LTBP1: variants seen among roughly 807,000 people sequenced by gnomAD.
LTBP1 encodes the protein latent-transforming growth factor beta-binding protein 1.
A neutral mutation model predicts 207.6 loss-of-function variants in LTBP1; 129 were observed. The ratio of observed to expected loss-of-function variants is 0.62; its 90% CI spans 0.54 to 0.72. The LOEUF is 0.72. Ranked by LOEUF, LTBP1 falls within the 30% of genes least tolerant of loss-of-function variation. The pLI, the probability that LTBP1 is intolerant of heterozygous loss-of-function variation, is 0.00. For synonymous variants in LTBP1, 963 were observed against 833.7 expected (o/e 1.16, Z -2.67); for missense variants, 2,281 against 2,217.2 (o/e 1.03, Z -0.58).
chr2:33,186,816 A>T (rs1425276612), intron 5 of LTBP1, 40 bp from the exon 6 acceptor site: 1 of 1,519,690 alleles, frequency 6.6e-7, no homozygotes, highest in Non-Finnish European at 9.1e-7. Flanking sequence ...AGCCTCTGAG[A>T]GACTAACCAA....
chr2:33,047,200 G>C (rs2076491350), intron 3 of LTBP1, among the ~76,000 whole-genome samples: 1 of 152,114 alleles, frequency 6.6e-6, no homozygotes. Flanking sequence ...TTTTAATTGT[G>C]ATGTTAGGGT....
At chr2:33,031,857 C>T (rs1295392150) in intron 3 of LTBP1, among the ~76,000 whole-genome samples, 2 of 152,060 alleles carry the variant, frequency 1.3e-5, no homozygotes, top group Non-Finnish European at 2.9e-5. Context: ...CTGATAGTCA[C>T]TGAAGAAGTG....
intron 2 of LTBP1, among the ~76,000 whole-genome samples, chr2:33,007,711 GCTT>G (rs751772370): frequency 6.6e-6 from 1 of 152,218 alleles, no homozygotes; most frequent in Non-Finnish European, 1.5e-5. Flanking sequence ...CCTCTCAAGA[GCTT>G]CTTTGAAGGT....
intron 7 of LTBP1, among the ~76,000 whole-genome samples, chr2:33,192,415 C>G (rs2088001602): frequency 6.6e-6 from 1 of 151,876 alleles, no homozygotes; most frequent in Admixed American, 6.6e-5. Flanking sequence ...GACTTAACCC[C>G]AAGTTTACAG....
At chr2:33,392,940 T>C in intron 32 of LTBP1, among the ~76,000 whole-genome samples, 1 of 151,932 alleles carries the variant, frequency 6.6e-6, no homozygotes, top group East Asian at 1.9e-4. Context: ...CCCCATGAGC[T>C]GAGGAGATTC....
chr2:33,115,894 T>C (rs994264889), intron 4 of LTBP1, among the ~76,000 whole-genome samples: 3 of 152,150 alleles, frequency 2.0e-5, no homozygotes, highest in Non-Finnish European at 4.4e-5. Context: ...TCCTTGAGGG[T>C]ATAATAAGTG....
Position 33,134,886 on chromosome 2 carries a change from A to C in LTBP1, c.1127A>C (p.Lys376Thr). ...TKGSCQNSCE[K>T]GNTTTLISEN... Reference sequence around the variant, plus strand: ...GGCAGCTGTCAGAACAGCTGTGAGAAGGGGAACACCACCACTCTCATTAGT... The same window carrying C: ...GGCAGCTGTCAGAACAGCTGTGAGACGGGGAACACCACCACTCTCATTAGT... The change falls in exon 5 of 34, where the codon AAG becomes ACG. Residue 376 changes from lysine to threonine, a missense_variant. Lys to Thr is a moderately conservative substitution (Grantham distance 78). Transcript: ENST00000404816. This position sits in a 1 kb window ranked among gnomAD's most constrained non-coding sequence, Gnocchi z 4.4. 1 of 1,614,092 alleles carries C rather than the reference A, an allele frequency of 6.2e-7. No individual in the cohort carries two copies. Among genetic ancestry groups the C allele is most frequent in the Non-Finnish European group, 8.5e-7 (1 of 1,180,008 alleles).
intron 3 of LTBP1, among the ~76,000 whole-genome samples, chr2:33,047,297 G>C (rs1298244728): frequency 6.6e-6 from 1 of 152,186 alleles, no homozygotes; most frequent in Non-Finnish European, 1.5e-5. Context: ...GTGTCCCAGA[G>C]ATTCTGGTAC....
At chr2:33,224,669 C>A (rs549337183) in intron 9 of LTBP1, among the ~76,000 whole-genome samples, 12 of 152,192 alleles carry the variant, frequency 7.9e-5, no homozygotes, top group African/African-American at 2.6e-4. Context: ...TCTGTATTAC[C>A]TTAGAAAGTG....
chr2:33,203,026 A>G (rs2089488220), intron 7 of LTBP1, among the ~76,000 whole-genome samples: 1 of 151,926 alleles, frequency 6.6e-6, no homozygotes, highest in Non-Finnish European at 1.5e-5. Context: ...CCACTCAAGT[A>G]CTCCTTTGGC....
intron 25 of LTBP1, among the ~76,000 whole-genome samples, chr2:33,344,688 G>A (rs1354104809): frequency 2.0e-5 from 3 of 152,164 alleles, no homozygotes; most frequent in Admixed American, 1.3e-4. Flanking sequence ...ACCTTTGGGG[G>A]AATAATTTAA....
chr2:33,114,733 T>G (rs1173837395), intron 4 of LTBP1, among the ~76,000 whole-genome samples: 1 of 152,238 alleles, frequency 6.6e-6, no homozygotes, highest in Non-Finnish European at 1.5e-5. Flanking sequence ...ATGTTACTCC[T>G]GGTTGCTTAT....
rs574971812 is a variant in LTBP1 at position 33,262,878 on chromosome 2, G to A, written c.2518+57G>A. The A allele has an allele frequency of 4.5e-5, 59 of 1,306,430 alleles. 1 individual carries two copies. In the South Asian group the frequency reaches 5.1e-4, roughly 11 times the overall value. 80.9% of individuals were successfully genotyped at this position (1,306,430 alleles called of 1,614,324 possible). A position where few individuals can be genotyped will look rare whatever the true frequency, so the allele number is the denominator to read the frequency against. ...AGTATTCTGAATAAAAATGTAAGAC[G>A]GGAAATTTTTGTCTTTGACTTTGTG... On this transcript the variant is annotated intron_variant, in intron 14 of 33. Transcript: ENST00000404816.
chr2:33,077,526 G>A (rs1012730075), intron 3 of LTBP1, among the ~76,000 whole-genome samples: 1 of 152,084 alleles, frequency 6.6e-6, no homozygotes, highest in African/African-American at 2.4e-5. Flanking sequence ...AAGAGAGAGG[G>A]GGGTGAGGTG....
rs560526468 is a variant in LTBP1 at position 33,153,131 on chromosome 2, G to A, written c.1201+18171G>A. Among the ~76,000 whole-genome samples the A allele has an allele frequency of 3.3e-3, 503 of 152,278 alleles. 4 individuals are homozygous for A. Among genetic ancestry groups the A allele is most frequent in the African/African-American group, 0.011 (475 of 41,558 alleles). On this transcript the variant is annotated intron_variant, in intron 5 of 33. Transcript: ENST00000404816. ...TGAAAATATTTACTGTGCTTTCCAA[G>A]GATGTACAGTATGTTCCCCTTTGTA...
chr2:33,393,329 A>C (rs996986217), intron 32 of LTBP1, among the ~76,000 whole-genome samples: 1 of 145,314 alleles, frequency 6.9e-6, no homozygotes, highest in Non-Finnish European at 1.5e-5. Context: ...TTTAGGGTAC[A>C]TGTGCACAAC....
intron 10 of LTBP1, among the ~76,000 whole-genome samples, chr2:33,248,149 C>G (rs775196321): frequency 6.6e-6 from 1 of 152,232 alleles, no homozygotes; most frequent in Non-Finnish European, 1.5e-5. Context: ...CAGATCTGTA[C>G]AAGCTGCTTG....
rs985682071 is a variant in LTBP1 at position 33,375,704 on chromosome 2, ATT to A, written c.4711+10219_4711+10220del. Among the ~76,000 whole-genome samples the A allele has an allele frequency of 4.1e-3, 470 of 113,732 alleles. 1 individual carries two copies. The highest frequency in any genetic ancestry group is 0.013 in the South Asian group (47 of 3,574). The allele number at this position is 113,732 out of a possible 152,430, so 74.6% of individuals were successfully genotyped here. A position where few individuals can be genotyped will look rare whatever the true frequency, so the allele number is the denominator to read the frequency against. ...CACCATGCCCGGCTAATTTTTTTGTATTTTTTTTTTTTTTTTTTTAGTAGAGA... is the reference window on the plus strand; with the variant it reads ...CACCATGCCCGGCTAATTTTTTTGTATTTTTTTTTTTTTTTTTAGTAGAGA... On this transcript the variant is annotated intron_variant, in intron 31 of 33. Coordinates refer to ENST00000404816, the MANE Select transcript of LTBP1 (RefSeq NM_206943.4).
intron 31 of LTBP1, among the ~76,000 whole-genome samples, chr2:33,373,618 G>A (rs1317487808): frequency 2.6e-5 from 4 of 151,990 alleles, no homozygotes; most frequent in African/African-American, 9.7e-5. Context: ...TATCATTACT[G>A]TATATAAATT....
Sources: gnomAD v4.1 joint callset for allele counts (sites outside exome capture counted in the v4.1 genomes callset) on GRCh38, gnomAD v4.1.1 for gene constraint, Gnocchi (gnomAD v3.1) non-coding constraint, MANE v1.5 for transcripts, NCBI Gene and HGNC (gene_info 2026-07-23, HGNC 2026-07-21) for gene names.